The following MAEA variants were observed in gnomAD, a reference collection of about 807,000 sequenced individuals.
MAEA encodes macrophage erythroblast attacher, E3 ubiquitin ligase.
Under a neutral mutation model 46.2 loss-of-function variants are expected in MAEA, and 22 were observed. The ratio of observed to expected loss-of-function variants is 0.48; its 90% CI spans 0.34 to 0.68. The LOEUF is 0.68. Ranked by LOEUF, MAEA falls within the 30% of genes least tolerant of loss-of-function variation. The pLI is 0.01. For missense variants in MAEA, 393 were observed against 558.1 expected (o/e 0.70, Z 2.98); for synonymous variants, 246 against 222.6 (o/e 1.11, Z -0.94).
At chr4:1,320,850 C>T (rs1737995502) in intron 3 of MAEA, among the ~76,000 whole-genome samples, 1 of 151,794 alleles carries the variant, frequency 6.6e-6, no homozygotes, top group Non-Finnish European at 1.5e-5. Flanking sequence ...CCTGTAATCC[C>T]AGCACTCTGG....
chr4:1,311,367 C>T lies in MAEA; in HGVS notation c.70-612C>T, dbSNP rs1736481662. Among the ~76,000 whole-genome samples the T allele has an allele frequency of 6.6e-6, 1 of 152,252 alleles. No individual in the cohort carries two copies. Among genetic ancestry groups the T allele is most frequent in the Non-Finnish European group, 1.5e-5 (1 of 68,052 alleles). Reference sequence around the variant, plus strand: ...GCGCTTCTCTCAGAGGGACAGAAAACTAACAACGACTTTAAGATTCTCCTT... The same window carrying T: ...GCGCTTCTCTCAGAGGGACAGAAAATTAACAACGACTTTAAGATTCTCCTT... On this transcript the variant is annotated intron_variant, in intron 1 of 8. Transcript: ENST00000303400. This position sits in a 1 kb window ranked among gnomAD's most constrained non-coding sequence, Gnocchi z 4.4.
At chr4:1,309,460 G>A in intron 1 of MAEA, 1 of 1,315,582 alleles carries the variant, frequency 7.6e-7, no homozygotes, top group South Asian at 2.2e-5. Flanking sequence ...CTCCTCTGGG[G>A]GGCGTGGATG....
chr4:1,322,229 A>T, intron 3 of MAEA, 152 bp from the exon 4 acceptor site: 1 of 1,045,230 alleles, frequency 9.6e-7, no homozygotes, highest in African/African-American at 1.6e-5. Context: ...GGCCCTGAGT[A>T]GTCCACGAGT....
At chr4:1,299,340 A>C (rs1735087655) in intron 1 of MAEA, among the ~76,000 whole-genome samples, 3 of 152,276 alleles carry the variant, frequency 2.0e-5, no homozygotes, top group Admixed American at 6.5e-5. Context: ...GCTCATGCCC[A>C]GCCCGTCTGC....
intron 1 of MAEA, among the ~76,000 whole-genome samples, chr4:1,308,773 G>A (rs1349437028): frequency 6.6e-6 from 1 of 152,204 alleles, no homozygotes; most frequent in Admixed American, 6.5e-5. Flanking sequence ...CTTTGGTTGT[G>A]GAGTTGTAGG....
At chr4:1,302,993 G>A (rs530877834) in intron 1 of MAEA, among the ~76,000 whole-genome samples, 3 of 152,066 alleles carry the variant, frequency 2.0e-5, no homozygotes, top group Admixed American at 1.3e-4. Flanking sequence ...CAGCCACCTC[G>A]GAAAACAACC....
chr4:1,335,203 G>T, intron 6 of MAEA: 1 of 985,442 alleles, frequency 1.0e-6, no homozygotes, highest in Non-Finnish European at 1.2e-6. Flanking sequence ...ACATGGACCG[G>T]TTGTTTTCCA....
chr4:1,329,210 C>G (rs1391940221), intron 5 of MAEA: 1 of 985,558 alleles, frequency 1.0e-6, no homozygotes, highest in African/African-American at 1.7e-5. Context: ...TACCCCCACT[C>G]CGCATAGGGT....
intron 5 of MAEA, chr4:1,328,665 C>A (rs1307419558): frequency 7.8e-7 from 1 of 1,278,984 alleles, no homozygotes; most frequent in South Asian, 1.3e-5. Context: ...CCACAGAAGG[C>A]CCATTTGGAG....
intron 5 of MAEA, chr4:1,328,988 G>A: frequency 1.0e-6 from 1 of 988,628 alleles, no homozygotes; most frequent in Non-Finnish European, 1.2e-6. Flanking sequence ...CTCCCGCTCT[G>A]CTCTGGCCTC....
At chr4:1,329,908 T>C in intron 5 of MAEA, 1 of 985,522 alleles carries the variant, frequency 1.0e-6, no homozygotes, top group African/African-American at 1.7e-5. Context: ...CCCGTCCACC[T>C]CTGAACTCAC....
At chr4:1,323,095 C>T (rs773017837) in intron 4 of MAEA, among the ~76,000 whole-genome samples, 14 of 151,870 alleles carry the variant, frequency 9.2e-5, no homozygotes, top group East Asian at 3.9e-4. Flanking sequence ...TATAGGCATG[C>T]GCCACCATGC....
intron 4 of MAEA, 53 bp from the exon 5 acceptor site, chr4:1,327,574 C>T: frequency 2.2e-6 from 3 of 1,373,470 alleles, no homozygotes; most frequent in Non-Finnish European, 3.1e-6. Context: ...CACCCGGGCA[C>T]CTGGGCTCTG....
intron 4 of MAEA, among the ~76,000 whole-genome samples, chr4:1,327,324 G>T (rs974722480): frequency 1.3e-5 from 2 of 152,212 alleles, no homozygotes; most frequent in African/African-American, 4.8e-5. Context: ...TGCCCTCCCA[G>T]CTGTGCTCCT....
intron 1 of MAEA, among the ~76,000 whole-genome samples, chr4:1,303,978 G>T (rs552215597): frequency 3.8e-4 from 58 of 151,736 alleles, no homozygotes; most frequent in African/African-American, 1.4e-3. Context: ...CGTCCGTGGT[G>T]TGTAGCTCTG....
chr4:1,324,836 G>A (rs1281140851), intron 4 of MAEA, among the ~76,000 whole-genome samples: 21 of 149,396 alleles, frequency 1.4e-4, no homozygotes, highest in African/African-American at 5.0e-4. Context: ...GTGGATGAGC[G>A]TGCCTGGTGT....
Position 1,332,825 on chromosome 4 carries a change from T to C in MAEA, c.725T>C (p.Met242Thr). The C allele has an allele frequency of 6.2e-7, 1 of 1,613,290 alleles. No individual in the cohort carries two copies. Among genetic ancestry groups the C allele is most frequent in the Non-Finnish European group, 8.5e-7 (1 of 1,179,830 alleles). ...GACGAGGTGCGCCAGGCCATGGGCA[T>C]GCTGGCCTTCCCGCCCGACACGCAC... ...QLDEVRQAMG[M>T]LAFPPDTHIS... The change falls in exon 6 of 9, where the codon ATG becomes ACG. Residue 242 changes from methionine to threonine, a missense_variant. Met to Thr is a moderately conservative substitution (Grantham distance 81). Transcript: ENST00000303400.
intron 3 of MAEA, among the ~76,000 whole-genome samples, chr4:1,316,092 A>C (rs1006592762): frequency 4.6e-5 from 7 of 151,908 alleles, no homozygotes; most frequent in African/African-American, 1.7e-4. Context: ...TTCCCGCCCG[A>C]TACCTGTACC....
chr4:1,293,405 T>G (rs959979787), intron 1 of MAEA, among the ~76,000 whole-genome samples: 2 of 152,114 alleles, frequency 1.3e-5, no homozygotes, highest in Non-Finnish European at 2.9e-5. Context: ...AATAAATAAA[T>G]AAAAGTAATT....
Sources: allele counts gnomAD v4.1 joint callset (sites outside exome capture counted in the v4.1 genomes callset), GRCh38; gene constraint gnomAD v4.1.1; non-coding constraint Gnocchi (gnomAD v3.1); transcripts MANE v1.5; gene names NCBI Gene and HGNC (gene_info 2026-07-23, HGNC 2026-07-21).